EPS8: variants seen among roughly 807,000 people sequenced by gnomAD.
EPS8 encodes EGFR pathway substrate 8, signaling adaptor, also known as epidermal growth factor receptor kinase substrate 8.
Under a neutral mutation model 103.8 loss-of-function variants are expected in EPS8, and 42 were observed. That is an observed-to-expected ratio of 0.40 (90% CI 0.32 to 0.52). EPS8 has a LOEUF of 0.52. Ranked by LOEUF, EPS8 falls within the 20% of genes least tolerant of loss-of-function variation. The probability of loss-of-function intolerance (pLI) is 0.40; values close to 1 mark genes in which losing one functional copy is unlikely to be tolerated. For missense variants in EPS8, 969 were observed against 1,005.1 expected (o/e 0.96, Z 0.49); for synonymous variants, 344 against 344.6 (o/e 1.00, Z 0.02).
At position 15,682,954 on chromosome 12, in the gene EPS8, T is replaced by G. The variant is rs1201540303; in HGVS notation, c.-3A>C. ...TGATTAGAAATATGACCATTCATTG[T>G]GTCTTTCACTTGTGTGTTCTAAAAA... On this transcript the variant is annotated 5_prime_UTR_variant, in exon 2 of 21. Transcript: ENST00000281172. The G allele has an allele frequency of 6.3e-7, 1 of 1,575,462 alleles. No individual in the cohort carries two copies. Among genetic ancestry groups the G allele is most frequent in the Non-Finnish European group, 8.6e-7 (1 of 1,159,456 alleles).
chr12:15,623,165 G>A lies in EPS8; in HGVS notation c.2348C>T (p.Ala783Val). The stretch of plus-strand genomic sequence containing the variant: ...TAGGTTGACAAGTCATACCTCCAAT[G>A]CAGCTTTTTGTACAGTGATTTGGCT... ...VYSQITVQKA[A>V]LEDSSGSSEL... Residue 783 changes from alanine (A) to valine (V), a missense_variant, in exon 20 of 21, where the codon GCA becomes GTA. Transcript: ENST00000281172. 1 of 1,606,230 alleles carries A rather than the reference G, an allele frequency of 6.2e-7. No homozygotes were observed. The highest frequency in any genetic ancestry group is 8.5e-7 in the Non-Finnish European group (1 of 1,177,660).
rs189579857 is a variant in EPS8, at chr12:15,667,982, G to C, written c.516+1405C>G. Among the ~76,000 whole-genome samples, 698 of 152,022 alleles carry C rather than the reference G, an allele frequency of 4.6e-3. 7 individuals are homozygous for C. The highest frequency in any genetic ancestry group is 0.02 in the Middle Eastern group (6 of 294). On this transcript the variant is annotated intron_variant, in intron 6 of 20. Coordinates refer to ENST00000281172, the MANE Select transcript of EPS8 (RefSeq NM_004447.6). Reference sequence around the variant, plus strand: ...ATAGTAACTTTTAGCTCCCGGGGGGGGCTTTTTAGAACACAGATACAAACA... The same window carrying C: ...ATAGTAACTTTTAGCTCCCGGGGGGCGCTTTTTAGAACACAGATACAAACA...
intron 1 of EPS8, among the ~76,000 whole-genome samples, chr12:15,782,752 A>C (rs918093228): frequency 6.6e-6 from 1 of 152,174 alleles, no homozygotes; most frequent in Non-Finnish European, 1.5e-5. Context: ...GTAAAGATGC[A>C]GTATTAAGTC....
At position 15,677,886 on chromosome 12, in the gene EPS8, G is replaced by A. The variant is rs542048287; in HGVS notation, c.136+3340C>T. Among the ~76,000 whole-genome samples, 4 of 152,212 alleles carry A rather than the reference G, an allele frequency of 2.6e-5. No homozygotes were observed. In the South Asian group the frequency reaches 8.3e-4, roughly 32 times the overall value. On this transcript the variant is annotated intron_variant, in intron 3 of 20. Transcript: ENST00000281172. ...AATGACAAGGGAGAAATATGTTCAT[G>A]TTTTGAAGATACATATAATCTCTTC...
In EPS8 at chr12:15,728,541, T is replaced by C. The variant is rs560603265; in HGVS notation, c.-21-45569A>G. Among the ~76,000 whole-genome samples the C allele has an allele frequency of 6.6e-6, 1 of 152,202 alleles. No individual in the cohort carries two copies. ...ACTCTCCCGGGTGCTGAGTCATTAA[T>C]AGAATTTGAAGAGTCAGGCATTGCT... On this transcript the variant is annotated intron_variant, in intron 1 of 20. Coordinates refer to ENST00000281172, the MANE Select transcript of EPS8 (RefSeq NM_004447.6). This position sits in a 1 kb window ranked among gnomAD's most constrained non-coding sequence, Gnocchi z 4.5.
intron 1 of EPS8, among the ~76,000 whole-genome samples, chr12:15,703,737 G>C (rs1291395553): frequency 1.3e-5 from 2 of 150,378 alleles, no homozygotes; most frequent in Non-Finnish European, 2.9e-5. Flanking sequence ...GACTAGATCA[G>C]AGAACGAAGT....
chr12:15,703,042 G>A (rs1447586549), intron 1 of EPS8, among the ~76,000 whole-genome samples: 5 of 152,244 alleles, frequency 3.3e-5, no homozygotes, highest in East Asian at 1.9e-4. Flanking sequence ...CCAGCTACTC[G>A]GGAGGCTGAG....
Position 15,775,693 on chromosome 12 carries a change from T to G in EPS8, c.-22+13468A>C, listed in dbSNP as rs144114092. 1.5e-3 allele frequency among the ~76,000 whole-genome samples: 236 copies of G among 152,292 alleles called. 1 individual carries two copies. Among genetic ancestry groups the G allele is most frequent in the African/African-American group, 5.4e-3 (226 of 41,578 alleles). On this transcript the variant is annotated intron_variant, in intron 1 of 20. Coordinates refer to ENST00000281172, the MANE Select transcript of EPS8 (RefSeq NM_004447.6). Reference sequence around the variant, plus strand: ...GCTTCTGTTAAGTTTTTATGCTTCTTTTCATTTAGGTGTCTAACATCACGC... The same window carrying G: ...GCTTCTGTTAAGTTTTTATGCTTCTGTTCATTTAGGTGTCTAACATCACGC...
intron 17 of EPS8, among the ~76,000 whole-genome samples, chr12:15,638,732 C>T (rs1305115413): frequency 6.6e-6 from 1 of 152,092 alleles, no homozygotes; most frequent in African/African-American, 2.4e-5. Context: ...CCAAAGTTGA[C>T]AAAAATAAAA....
chr12:15,730,158 T>C (rs2135991405), intron 1 of EPS8, among the ~76,000 whole-genome samples: 1 of 152,268 alleles, frequency 6.6e-6, no homozygotes, highest in African/African-American at 2.4e-5. Context: ...GATAACCATA[T>C]TGATAATTAC....
At chr12:15,657,129 A>T (rs187335200) in intron 12 of EPS8, among the ~76,000 whole-genome samples, 1 of 152,268 alleles carries the variant, frequency 6.6e-6, no homozygotes, top group African/African-American at 2.4e-5. Flanking sequence ...CCCTGCTGAT[A>T]TCATCTCTTT....
chr12:15,788,162 C>T (rs1312799737), intron 1 of EPS8, among the ~76,000 whole-genome samples: 1 of 152,214 alleles, frequency 6.6e-6, no homozygotes, highest in African/African-American at 2.4e-5. Context: ...TCACACTCTT[C>T]ACACATCTGA....
rs1312780439 is a variant in EPS8, at chr12:15,717,664, A to G, written c.-21-34692T>C. 1.3e-5 allele frequency among the ~76,000 whole-genome samples: 2 copies of G among 152,208 alleles called. No homozygotes were observed. Among genetic ancestry groups the G allele is most frequent in the South Asian group, 2.1e-4 (1 of 4,834 alleles). Reference sequence around the variant, plus strand: ...ATGAATAAATATAAATAGCAGGACCAATATTATACGTTCTTTCCAGAAGTT... The same window carrying G: ...ATGAATAAATATAAATAGCAGGACCGATATTATACGTTCTTTCCAGAAGTT... On this transcript the variant is annotated intron_variant, in intron 1 of 20. Transcript: ENST00000281172. The surrounding 1 kb of genome is among the most constrained non-coding windows in gnomAD (Gnocchi z 4.3).
At chr12:15,720,677 T>C (rs1340284514) in intron 1 of EPS8, among the ~76,000 whole-genome samples, 14 of 152,186 alleles carry the variant, frequency 9.2e-5, no homozygotes, top group Admixed American at 9.2e-4. Context: ...CAAAGCCTCT[T>C]ACTGTCACCT....
intron 1 of EPS8, among the ~76,000 whole-genome samples, chr12:15,739,124 A>C (rs1018623518): frequency 6.6e-6 from 1 of 152,212 alleles, no homozygotes; most frequent in African/African-American, 2.4e-5. Context: ...ACCTTAGTTC[A>C]TGTGATCTTT....
intron 10 of EPS8, 149 bp from the exon 11 acceptor site, chr12:15,658,734 G>A: frequency 1.6e-6 from 1 of 618,626 alleles, no homozygotes; most frequent in Non-Finnish European, 2.9e-6. Flanking sequence ...TAGTCTGACT[G>A]TAACAAACTG....
At chr12:15,709,936 A>G (rs1946439337) in intron 1 of EPS8, among the ~76,000 whole-genome samples, 1 of 152,220 alleles carries the variant, frequency 6.6e-6, no homozygotes, top group African/African-American at 2.4e-5. Context: ...GCAGTTCACA[A>G]TGGGGTTCGA....
At chr12:15,783,988 T>G (rs1048714787) in intron 1 of EPS8, among the ~76,000 whole-genome samples, 4 of 152,082 alleles carry the variant, frequency 2.6e-5, no homozygotes, top group African/African-American at 7.2e-5. Flanking sequence ...GACACAGACC[T>G]TATACCTTTC....
chr12:15,744,908 G>T (rs11056625), intron 1 of EPS8, among the ~76,000 whole-genome samples: 4 of 151,634 alleles, frequency 2.6e-5, no homozygotes, highest in South Asian at 2.1e-4. Flanking sequence ...ACAGACTCTC[G>T]CTCTGTCACC....
Sources: allele counts gnomAD v4.1 joint callset (sites outside exome capture counted in the v4.1 genomes callset), GRCh38; gene constraint gnomAD v4.1.1; non-coding constraint Gnocchi (gnomAD v3.1); transcripts MANE v1.5; gene names NCBI Gene and HGNC (gene_info 2026-07-23, HGNC 2026-07-21).